Variants in CSPP1 observed in about 807,000 individuals in gnomAD.
The protein encoded by CSPP1 is centrosome and spindle pole associated protein 1.
A neutral mutation model predicts 164.4 loss-of-function variants in CSPP1; 126 were observed. The observed-to-expected ratio is 0.77, with a 90% CI of 0.66 to 0.89. The LOEUF (loss-of-function observed/expected upper bound fraction) is 0.89. Among genes scored for constraint, CSPP1 ranks in the 40% least tolerant of loss-of-function variants. The pLI, the probability that CSPP1 is intolerant of heterozygous loss-of-function variation, is 0.00. For missense variants in CSPP1, 1,395 were observed against 1,449.8 expected (o/e 0.96, Z 0.61); for synonymous variants, 472 against 476.7 (o/e 0.99, Z 0.13).
intron 15 of CSPP1, among the ~76,000 whole-genome samples, chr8:67,130,837 A>T (rs556618768): frequency 6.6e-6 from 1 of 151,922 alleles, no homozygotes. Flanking sequence ...AAAATACGAA[A>T]ATTAGCCGGG....
At chr8:67,093,762 G>A in intron 6 of CSPP1, 121 bp downstream of exon 6, 1 of 535,364 alleles carries the variant, frequency 1.9e-6, no homozygotes, top group Non-Finnish European at 3.3e-6. Context: ...GCAAAATTAA[G>A]CCAAATTAAA....
chr8:67,171,307 A>G (rs910112069), intron 24 of CSPP1, among the ~76,000 whole-genome samples: 1 of 151,114 alleles, frequency 6.6e-6, no homozygotes, highest in Non-Finnish European at 1.5e-5. Context: ...AGGCTGAGGC[A>G]GGAGAATTGC....
intron 28 of CSPP1, among the ~76,000 whole-genome samples, chr8:67,187,088 A>G (rs1834878918): frequency 6.6e-6 from 1 of 152,136 alleles, no homozygotes; most frequent in African/African-American, 2.4e-5. Context: ...ATAAATGGAG[A>G]TATATTTCAT....
chr8:67,094,119 GAAAAAA>G (rs71249416), intron 6 of CSPP1, among the ~76,000 whole-genome samples: 6 of 29,452 alleles, frequency 2.0e-4, no homozygotes, highest in Admixed American at 7.5e-4. Context: ...GACCTGGTCT[GAAAAAA>G]AAAAAAAAAA....
At chr8:67,134,764 C>T (rs1821913150) in intron 16 of CSPP1, 1 of 151,910 alleles carries the variant, frequency 6.6e-6, no homozygotes. Context: ...GGGGTTTCAC[C>T]ATGTTAGCCA....
chr8:67,105,097 C>G (rs1400749209), intron 8 of CSPP1, among the ~76,000 whole-genome samples: 1 of 139,720 alleles, frequency 7.2e-6, no homozygotes, highest in African/African-American at 2.7e-5. Context: ...AGGATCTTGG[C>G]TCACTGTACC....
intron 25 of CSPP1, chr8:67,172,806 A>G: frequency 3.0e-6 from 1 of 334,138 alleles, no homozygotes. Flanking sequence ...ATGAGATCGC[A>G]TAGACTAGTA....
At chr8:67,194,474 A>G (rs1206041827) in intron 30 of CSPP1, among the ~76,000 whole-genome samples, 2 of 152,222 alleles carry the variant, frequency 1.3e-5, no homozygotes, top group African/African-American at 4.8e-5. Context: ...GTAGGAAAGG[A>G]TGTCTTTCCA....
chr8:67,088,112 G>T (rs573379781), intron 4 of CSPP1, among the ~76,000 whole-genome samples: 2 of 152,098 alleles, frequency 1.3e-5, no homozygotes, highest in Admixed American at 1.3e-4. Context: ...TTATTGGGTG[G>T]AGTTTTCCTC....
chr8:67,184,123 G>C (rs942361640), intron 28 of CSPP1, among the ~76,000 whole-genome samples: 1 of 152,162 alleles, frequency 6.6e-6, no homozygotes, highest in South Asian at 2.1e-4. Context: ...AAAGTGCTGG[G>C]ATTATAGGCG....
At chr8:67,089,866 C>T (rs1811270327) in intron 4 of CSPP1, among the ~76,000 whole-genome samples, 1 of 149,814 alleles carries the variant, frequency 6.7e-6, no homozygotes, top group African/African-American at 2.5e-5. Flanking sequence ...AATACTCAAG[C>T]TGGTCTTGAA....
Position 67,196,454 on chromosome 8 carries a change from A to ATAAT in CSPP1, c.*863_*866dup, listed in dbSNP as rs1011252454. Reference sequence around the variant, plus strand: ...TCTAAAAAAGGAAAGAGTCATTCAAATAATTGTGACATTCTGACTCAGATT... The same window carrying ATAAT: ...TCTAAAAAAGGAAAGAGTCATTCAAATAATTAATTGTGACATTCTGACTCAGATT... On this transcript the variant is annotated 3_prime_UTR_variant, in exon 31 of 31. Transcript: ENST00000678616. 2.0e-5 allele frequency among the ~76,000 whole-genome samples: 3 copies of ATAAT among 152,212 alleles called. No homozygotes were observed. Among genetic ancestry groups the ATAAT allele is most frequent in the East Asian group, 1.9e-4 (1 of 5,198 alleles).
intron 7 of CSPP1, 139 bp from the exon 8 acceptor site, chr8:67,102,898 T>G (rs968906722): frequency 1.9e-5 from 9 of 473,696 alleles, no homozygotes; most frequent in Non-Finnish European, 3.4e-5. Flanking sequence ...TATTTAATTT[T>G]ATAATGCATT....
intron 5 of CSPP1, 144 bp from the exon 6 acceptor site, chr8:67,093,399 C>G (rs950763676): frequency 8.8e-6 from 5 of 567,020 alleles, no homozygotes; most frequent in Admixed American, 6.4e-5. Context: ...TCAGTGACAT[C>G]TGTCCTTGAA....
intron 4 of CSPP1, chr8:67,086,720 G>A: frequency 2.0e-6 from 1 of 496,966 alleles, no homozygotes; most frequent in Admixed American, 3.3e-5. Context: ...ACTGCTTTAT[G>A]TTTGTTCCAA....
rs1220218103 is a variant in CSPP1, at chr8:67,187,007, ATCT to A, written c.3221-3642_3221-3640del. Among the ~76,000 whole-genome samples, 114 of 150,840 alleles carry A rather than the reference ATCT, an allele frequency of 7.6e-4. 1 individual carries two copies. The highest frequency in any genetic ancestry group is 2.5e-3 in the African/African-American group (104 of 41,080). ...TATCTATCTATCTATCTATCTATCT[ATCT>A]ATCTAATCTATCTATCTAGAACTGC... On this transcript the variant is annotated intron_variant, in intron 28 of 30. Transcript: ENST00000678616.
intron 22 of CSPP1, among the ~76,000 whole-genome samples, chr8:67,162,800 G>C (rs1828624170): frequency 6.6e-6 from 1 of 152,126 alleles, no homozygotes; most frequent in South Asian, 2.1e-4. Flanking sequence ...AGACATAGTA[G>C]TACTATTTGT....
At chr8:67,141,480 T>G (rs2129556055) in intron 17 of CSPP1, among the ~76,000 whole-genome samples, 1 of 152,382 alleles carries the variant, frequency 6.6e-6, no homozygotes, top group Admixed American at 6.5e-5. Flanking sequence ...ACTCATGACT[T>G]AAAGAGTATC....
intron 7 of CSPP1, among the ~76,000 whole-genome samples, chr8:67,100,735 G>A (rs1208614888): frequency 5.3e-5 from 8 of 150,260 alleles, no homozygotes; most frequent in Non-Finnish European, 7.4e-5. Context: ...ATGAGCCGCC[G>A]TGCCCGGCCT....
Sources: allele counts gnomAD v4.1 joint callset (sites outside exome capture counted in the v4.1 genomes callset), GRCh38; gene constraint gnomAD v4.1.1; transcripts MANE v1.5; gene names NCBI Gene and HGNC (gene_info 2026-07-23, HGNC 2026-07-21).